Variants in SUZ12 observed in about 807,000 individuals in gnomAD.
SUZ12 encodes polycomb protein SUZ12.
SUZ12 carries 17 observed loss-of-function variants against 87.3 expected under a neutral mutation model. That is an observed-to-expected ratio of 0.19 (90% CI 0.13 to 0.29). SUZ12 has a LOEUF of 0.29. Ranked by LOEUF, SUZ12 falls within the 10% of genes least tolerant of loss-of-function variation. The pLI is 1.00. For synonymous variants in SUZ12, 253 were observed against 312.4 expected (o/e 0.81, Z 2.01); for missense variants, 526 against 912.2 (o/e 0.58, Z 5.45).
intron 3 of SUZ12, among the ~76,000 whole-genome samples, chr17:31,945,212 C>T (rs967819635): frequency 5.3e-5 from 8 of 152,108 alleles, no homozygotes; most frequent in African/African-American, 1.9e-4. Context: ...TGGAAGGTGG[C>T]AGATTTAGCC....
rs1429792906 is a variant in SUZ12 at position 31,937,294 on chromosome 17, C to T, written c.48C>T (p.Pro16=). The change falls in exon 1 of 16, where the codon CCC becomes CCT. Residue 16 remains proline (P), a synonymous_variant. Transcript: ENST00000322652. ...GTGGGGGAGGGGGCGGCTCGGGGCC[C>T]AGCGCGGGGTCCGGGGGAGGCGGCT... The part of the protein sequence containing the change: ...HGGGGGGGSG[P]SAGSGGGGFG... 1.4e-6 allele frequency: 2 copies of T among 1,399,340 alleles called. No homozygotes were observed. The highest frequency in any genetic ancestry group is 1.8e-6 in the Non-Finnish European group (2 of 1,088,752). The allele number at this position is 1,399,340 out of a possible 1,614,324, so 86.7% of individuals were successfully genotyped here.
chr17:31,985,158 CAAAAAAAAAAAA>C (rs34227080), intron 9 of SUZ12, among the ~76,000 whole-genome samples: 2 of 72,868 alleles, frequency 2.7e-5, no homozygotes, highest in East Asian at 4.4e-4. Flanking sequence ...GACTCTGTCT[CAAAAAAAAAAAA>C]AAAAAAAAAA....
intron 4 of SUZ12, among the ~76,000 whole-genome samples, chr17:31,952,884 A>G (rs1425953255): frequency 6.6e-6 from 1 of 152,110 alleles, no homozygotes; most frequent in Non-Finnish European, 1.5e-5. Flanking sequence ...ATTCTCTGGT[A>G]ACAACTCTTG....
chr17:31,994,744 A>G (rs1567839399), intron 13 of SUZ12, 23 bp downstream of exon 13: 1 of 1,606,204 alleles, frequency 6.2e-7, no homozygotes, highest in East Asian at 2.2e-5. Context: ...GGCATATAAG[A>G]AAAGTTTAAG....
chr17:31,953,001 C>T (rs976705103), intron 4 of SUZ12, among the ~76,000 whole-genome samples: 2 of 152,228 alleles, frequency 1.3e-5, no homozygotes, highest in African/African-American at 4.8e-5. Context: ...TGTCACTTCT[C>T]TCTTGCCCTT....
chr17:31,938,784 A>G (rs1174405266), intron 1 of SUZ12, among the ~76,000 whole-genome samples: 3 of 152,240 alleles, frequency 2.0e-5, no homozygotes, highest in Non-Finnish European at 2.9e-5. Context: ...GGAAATTTTA[A>G]AAGTTCTTTC....
intron 10 of SUZ12, among the ~76,000 whole-genome samples, chr17:31,992,985 G>A (rs1027543377): frequency 1.3e-5 from 2 of 152,118 alleles, no homozygotes; most frequent in South Asian, 2.1e-4. Context: ...GATTACAGGC[G>A]TGAGCCACCG....
At chr17:31,993,803 TAAAC>T (rs1909839481) in intron 11 of SUZ12, 58 bp from the exon 12 acceptor site, 1 of 1,502,040 alleles carries the variant, frequency 6.7e-7, no homozygotes, top group Non-Finnish European at 9.0e-7. Context: ...AAGTGATATT[TAAAC>T]AAAATATCTT....
intron 15 of SUZ12, among the ~76,000 whole-genome samples, chr17:31,997,134 G>A (rs886510847): frequency 3.9e-5 from 6 of 151,962 alleles, no homozygotes; most frequent in Admixed American, 6.6e-5. Context: ...GGCAAAAACC[G>A]GGCCTTGCCT....
At chr17:31,952,704 A>G (rs1382890829) in intron 4 of SUZ12, among the ~76,000 whole-genome samples, 1 of 152,090 alleles carries the variant, frequency 6.6e-6, no homozygotes, top group African/African-American at 2.4e-5. Context: ...CTGGGATTAC[A>G]GGCATCTGCC....
At chr17:31,987,854 C>G (rs1362767131) in intron 9 of SUZ12, among the ~76,000 whole-genome samples, 1 of 152,012 alleles carries the variant, frequency 6.6e-6, no homozygotes, top group African/African-American at 2.4e-5. Flanking sequence ...AGGAGAATTG[C>G]TTGAACCTGG....
Position 31,988,836 on chromosome 17 carries a change from C to T in SUZ12, c.1201+339C>T, listed in dbSNP as rs113952355. 7.6e-3 allele frequency among the ~76,000 whole-genome samples: 1,149 copies of T among 151,610 alleles called. 13 individuals carry two copies. The highest frequency in any genetic ancestry group is 0.026 in the African/African-American group (1,096 of 41,384). ...CCTGTAATCTCAGCATTTGGGAGAC[C>T]GAGGCGGGCGGATCACAAGGTCAGG... is the stretch of plus-strand genomic sequence containing the variant. On this transcript the variant is annotated intron_variant, in intron 10 of 15. Transcript: ENST00000322652.
intron 4 of SUZ12, among the ~76,000 whole-genome samples, chr17:31,949,007 C>T (rs957114785): frequency 1.3e-4 from 19 of 149,844 alleles, no homozygotes; most frequent in Non-Finnish European, 2.3e-4. Context: ...GGTCTGACCT[C>T]CCTGCTTCTT....
chr17:31,978,038 T>C (rs561956413), intron 8 of SUZ12, among the ~76,000 whole-genome samples: 1 of 152,252 alleles, frequency 6.6e-6, no homozygotes, highest in South Asian at 2.1e-4. Context: ...AGTGAAAGAA[T>C]GTCTGGGAAG....
At chr17:31,997,915 A>G (rs1910065601) in intron 15 of SUZ12, among the ~76,000 whole-genome samples, 1 of 151,972 alleles carries the variant, frequency 6.6e-6, no homozygotes, top group Admixed American at 6.6e-5. Context: ...AAGGAGAACA[A>G]TTTTTGTTTC....
chr17:31,995,441 T>C (rs942120634), intron 13 of SUZ12, 123 bp from the exon 14 acceptor site: 17 of 713,298 alleles, frequency 2.4e-5, no homozygotes, highest in Middle Eastern at 5.6e-4. Context: ...CTAATACTAT[T>C]GTTTTATGGT....
At chr17:31,989,237 C>G (rs1307081276) in intron 10 of SUZ12, among the ~76,000 whole-genome samples, 1 of 151,888 alleles carries the variant, frequency 6.6e-6, no homozygotes, top group Non-Finnish European at 1.5e-5. Flanking sequence ...TGTGATTAGC[C>G]TTTCAGAATA....
intron 4 of SUZ12, among the ~76,000 whole-genome samples, chr17:31,957,472 C>T (rs894716995): frequency 4.6e-5 from 7 of 151,650 alleles, no homozygotes; most frequent in Admixed American, 1.3e-4. Context: ...AGTACAGTGG[C>T]GTGATCTTGG....
chr17:31,950,771 C>T (rs1906920338), intron 4 of SUZ12, among the ~76,000 whole-genome samples: 1 of 152,098 alleles, frequency 6.6e-6, no homozygotes, highest in Admixed American at 6.5e-5. Flanking sequence ...AAGTATCTCT[C>T]CTCCATTTAT....
Sources: gnomAD v4.1 joint callset for allele counts (sites outside exome capture counted in the v4.1 genomes callset) on GRCh38, gnomAD v4.1.1 for gene constraint, MANE v1.5 for transcripts, NCBI Gene and HGNC (gene_info 2026-07-23, HGNC 2026-07-21) for gene names.